CGGBP1: variants seen among roughly 807,000 people sequenced by gnomAD.
CGGBP1 encodes CGG triplet repeat binding protein 1.
A neutral mutation model predicts 11.4 loss-of-function variants in CGGBP1; 4 were observed. The ratio of observed to expected loss-of-function variants is 0.35; its 90% CI spans 0.17 to 0.80. CGGBP1 has a LOEUF of 0.80. Among genes scored for constraint, CGGBP1 ranks in the 30% least tolerant of loss-of-function variants. The pLI, the probability that CGGBP1 is intolerant of heterozygous loss-of-function variation, is 0.52. For synonymous variants in CGGBP1, 76 were observed against 74.1 expected, an observed-to-expected ratio of 1.03 and a Z score of -0.13; for missense variants, 135 against 202.1, an observed-to-expected ratio of 0.67 and a Z score of 2.01.
chr3:88,059,251 G>A, upstream of CGGBP1: 2 of 1,528,990 alleles, frequency 1.3e-6, no homozygotes, highest in Non-Finnish European at 1.7e-6. Context: ...AGGAGGAGGA[G>A]GTTAGCCTAG....
At chr3:88,085,600 G>A (rs1191233526) in intron 2 of CGGBP1, among the ~76,000 whole-genome samples, 4 of 152,092 alleles carry the variant, frequency 2.6e-5, no homozygotes, top group Admixed American at 1.3e-4. Flanking sequence ...TTTCTAAAAT[G>A]TTTTCTCATA....
chr3:88,089,037 T>C (rs1460116213), intron 2 of CGGBP1, among the ~76,000 whole-genome samples: 1 of 151,776 alleles, frequency 6.6e-6, no homozygotes, highest in African/African-American at 2.4e-5. Context: ...GCTCCCAAAG[T>C]GCTGGGATTA....
At chr3:88,135,651 T>C (rs1305166308) in intron 2 of CGGBP1, among the ~76,000 whole-genome samples, 3 of 152,080 alleles carry the variant, frequency 2.0e-5, no homozygotes, top group African/African-American at 4.8e-5. Flanking sequence ...TTTTAAATTG[T>C]TTATTTGAAG....
At chr3:88,089,638 T>A (rs1218862651) in intron 2 of CGGBP1, among the ~76,000 whole-genome samples, 2 of 152,170 alleles carry the variant, frequency 1.3e-5, no homozygotes, top group Non-Finnish European at 2.9e-5. Flanking sequence ...CCATCTTTCC[T>A]CTTTGGGCTT....
chr3:88,121,253 T>A (rs1204442954), intron 2 of CGGBP1, among the ~76,000 whole-genome samples: 1 of 152,186 alleles, frequency 6.6e-6, no homozygotes, highest in Non-Finnish European at 1.5e-5. Flanking sequence ...TTTTCTTTAA[T>A]ACTAACCACT....
At chr3:88,065,871 C>T (rs1453892722) in intron 2 of CGGBP1, among the ~76,000 whole-genome samples, 1 of 152,066 alleles carries the variant, frequency 6.6e-6, no homozygotes, top group African/African-American at 2.4e-5. Context: ...GTAGCTGGGA[C>T]TTCAGGTGTG....
intron 3 of CGGBP1, chr3:88,056,241 A>G (rs1331614070): frequency 2.9e-6 from 1 of 343,668 alleles, no homozygotes; most frequent in Non-Finnish European, 5.3e-6. Flanking sequence ...CAAGTAAATT[A>G]GACTATAAAG....
intron 2 of CGGBP1, among the ~76,000 whole-genome samples, chr3:88,086,849 C>A (rs898846691): frequency 6.6e-6 from 1 of 152,210 alleles, no homozygotes; most frequent in African/African-American, 2.4e-5. Context: ...GTGGTGCCAT[C>A]TCGGCTCACT....
At chr3:88,056,276 T>G (rs1441323228) in intron 3 of CGGBP1, 5 of 245,824 alleles carry the variant, frequency 2.0e-5, no homozygotes, top group African/African-American at 1.1e-4. Context: ...ATCCCAGATG[T>G]CACCATTATT....
At chr3:88,109,983 A>G (rs1314721458) in intron 2 of CGGBP1, among the ~76,000 whole-genome samples, 1 of 152,166 alleles carries the variant, frequency 6.6e-6, no homozygotes, top group Non-Finnish European at 1.5e-5. Flanking sequence ...TTACATTTCA[A>G]CAAAATTGAC....
At chr3:88,124,841 C>T (rs1705992069) in intron 2 of CGGBP1, among the ~76,000 whole-genome samples, 1 of 151,628 alleles carries the variant, frequency 6.6e-6, no homozygotes, top group Non-Finnish European at 1.5e-5. Context: ...TCTATTTATG[C>T]ATTTTTGAAA....
At chr3:88,123,535 T>C (rs1037457332) in intron 2 of CGGBP1, among the ~76,000 whole-genome samples, 7 of 152,166 alleles carry the variant, frequency 4.6e-5, no homozygotes, top group African/African-American at 1.7e-4. Flanking sequence ...AATATTCAAA[T>C]TATCAGGGCT....
intron 2 of CGGBP1, chr3:88,129,056 C>CAA: frequency 2.3e-6 from 3 of 1,285,900 alleles, no homozygotes; most frequent in Non-Finnish European, 3.1e-6. Flanking sequence ...TTAACCCTAC[C>CAA]AAAAAAAAAC....
At chr3:88,056,787 C>T (rs1215534784) in intron 3 of CGGBP1, 1 of 152,082 alleles carries the variant, frequency 6.6e-6, no homozygotes, top group African/African-American at 2.4e-5. Flanking sequence ...TACAGCAGAA[C>T]CTCAATTAAA....
chr3:88,059,250 A>C (rs1706688439), upstream of CGGBP1: 2 of 1,527,032 alleles, frequency 1.3e-6, no homozygotes, highest in Non-Finnish European at 1.7e-6. Context: ...GAGGAGGAGG[A>C]GGTTAGCCTA....
chr3:88,146,125 A>G (rs988099113), intron 1 of CGGBP1, among the ~76,000 whole-genome samples: 20 of 152,234 alleles, frequency 1.3e-4, no homozygotes, highest in African/African-American at 4.8e-4. Flanking sequence ...AGCGTGGTTT[A>G]TAGAGCAGCA....
chr3:88,101,732 G>A (rs909356351), intron 2 of CGGBP1, among the ~76,000 whole-genome samples: 4 of 152,060 alleles, frequency 2.6e-5, no homozygotes, highest in Non-Finnish European at 2.9e-5. Context: ...TATGTTTAGC[G>A]TTTTGTAAAA....
intron 2 of CGGBP1, among the ~76,000 whole-genome samples, chr3:88,071,177 T>C (rs1471473108): frequency 1.3e-5 from 2 of 152,238 alleles, no homozygotes; most frequent in Non-Finnish European, 2.9e-5. Context: ...TTCTTGATTT[T>C]ATTTAAAAAG....
intron 2 of CGGBP1, among the ~76,000 whole-genome samples, chr3:88,090,947 T>C (rs1382125989): frequency 2.6e-5 from 4 of 152,246 alleles, no homozygotes; most frequent in Non-Finnish European, 5.9e-5. Context: ...CATCTTGGGC[T>C]GCATGCAGGC....
Sources: allele counts gnomAD v4.1 joint callset (sites outside exome capture counted in the v4.1 genomes callset), GRCh38; gene constraint gnomAD v4.1.1; transcripts MANE v1.5; gene names NCBI Gene and HGNC (gene_info 2026-07-23, HGNC 2026-07-21).